Variants in SYCP2L observed in about 807,000 individuals in gnomAD.
The protein encoded by SYCP2L is synaptonemal complex protein 2-like.
A neutral mutation model predicts 125.8 loss-of-function variants in SYCP2L; 98 were observed. That is an observed-to-expected ratio of 0.78 (90% CI 0.66 to 0.92). The LOEUF is 0.92. SYCP2L is among the 40% of genes least tolerant of loss of function. The pLI is 0.00. For missense variants in SYCP2L, 842 were observed against 936.4 expected, an observed-to-expected ratio of 0.90 and a Z score of 1.32; for synonymous variants, 317 against 325.4, an observed-to-expected ratio of 0.97 and a Z score of 0.28.
chr6:10,949,813 TA>T (rs1035986722), intron 23 of SYCP2L, among the ~76,000 whole-genome samples: 5 of 151,392 alleles, frequency 3.3e-5, no homozygotes, highest in African/African-American at 9.7e-5. Context: ...ATATCTGGAT[TA>T]AAAAAAATCT....
At chr6:10,921,819 C>T (rs1047067695) in intron 14 of SYCP2L, among the ~76,000 whole-genome samples, 1 of 151,952 alleles carries the variant, frequency 6.6e-6, no homozygotes, top group Non-Finnish European at 1.5e-5. Context: ...CATTCTTCTG[C>T]CTCAGCCTCC....
chr6:10,944,094 G>T (rs1781269840), intron 23 of SYCP2L, among the ~76,000 whole-genome samples: 1 of 152,126 alleles, frequency 6.6e-6, no homozygotes, highest in African/African-American at 2.4e-5. Flanking sequence ...TATAAAATAT[G>T]TATACCTTTA....
rs28430570 is a variant in SYCP2L, at chr6:10,906,787, G to A, written c.676+733G>A. ...TAATTTTTGTATTTTTAGTAGAGAC[G>A]GGGATTTCACCATGTTGGCCAGGCT... On this transcript the variant is annotated intron_variant, in intron 9 of 29. Transcript: ENST00000283141. 5.5e-3 allele frequency among the ~76,000 whole-genome samples: 832 copies of A among 151,136 alleles called. 5 individuals carry two copies. The highest frequency in any genetic ancestry group is 0.018 in the African/African-American group (763 of 41,256).
chr6:10,933,008 C>G (rs1265996094), intron 20 of SYCP2L, among the ~76,000 whole-genome samples: 2 of 152,228 alleles, frequency 1.3e-5, no homozygotes, highest in East Asian at 3.8e-4. Flanking sequence ...CCTGCCTTGG[C>G]CTCCCAAAGT....
chr6:10,965,291 TA>T (rs1781660171), intron 29 of SYCP2L, among the ~76,000 whole-genome samples: 1 of 152,134 alleles, frequency 6.6e-6, no homozygotes, highest in Non-Finnish European at 1.5e-5. Context: ...CTGGAGTTAA[TA>T]AATTGCTGAT....
chr6:10,928,623 C>A lies in SYCP2L; in HGVS notation c.1488+173C>A, dbSNP rs191220884. On this transcript the variant is annotated intron_variant, in intron 18 of 29. Transcript: ENST00000283141. ...CTGTCATCATAGCTCACCGTGGCCT[C>A]AGCCTCCCAGGCTCATGTGATCCTC... is the stretch of plus-strand genomic sequence containing the variant. Among the ~76,000 whole-genome samples, 464 of 152,348 alleles carry A rather than the reference C, an allele frequency of 3.0e-3. 1 individual carries two copies. The highest frequency in any genetic ancestry group is 4.9e-3 in the Non-Finnish European group (336 of 68,038).
intron 17 of SYCP2L, among the ~76,000 whole-genome samples, chr6:10,927,707 C>T (rs1429899988): frequency 1.3e-5 from 2 of 152,142 alleles, no homozygotes; most frequent in Non-Finnish European, 2.9e-5. Context: ...TCAATAACAT[C>T]GTATCAGGAG....
intron 10 of SYCP2L, among the ~76,000 whole-genome samples, chr6:10,909,116 A>ATTTTTTTTTTT (rs67767345): frequency 7.4e-5 from 7 of 94,870 alleles, no homozygotes; most frequent in African/African-American, 2.4e-4. Context: ...TCTCAATTGA[A>ATTTTTTTTTTT]TTTTTTTTTT....
chr6:10,899,635 T>G (rs1780344920), intron 6 of SYCP2L, among the ~76,000 whole-genome samples: 1 of 152,274 alleles, frequency 6.6e-6, no homozygotes, highest in Admixed American at 6.5e-5. Context: ...GGAGCCATCT[T>G]GATATGTCAT....
In SYCP2L at chr6:10,931,484, G is replaced by C; in HGVS notation, c.1678G>C (p.Asp560His). Residue 560 changes from aspartate to histidine, a missense_variant, in exon 20 of 30, where the codon GAC (aspartate) becomes CAC (histidine). Physicochemically the swap from Asp to His is moderately conservative, Grantham distance 81. Coordinates refer to ENST00000283141, the MANE Select transcript of SYCP2L (RefSeq NM_001040274.3). Reference protein sequence around the residue: ...PPSSGSGHEKDQAKLLSPSEK... With the variant: ...PPSSGSGHEKHQAKLLSPSEK... The stretch of plus-strand genomic sequence containing the variant: ...CAGTAGTGGCAGTGGCCATGAGAAA[G>C]ACCAAGTAAGTACATTGTATCTGGG... 6.2e-7 allele frequency: 1 copy of C among 1,614,094 alleles called. No individual in the cohort carries two copies. Among genetic ancestry groups the C allele is most frequent in the Non-Finnish European group, 8.5e-7 (1 of 1,179,954 alleles).
intron 2 of SYCP2L, among the ~76,000 whole-genome samples, chr6:10,892,242 C>T (rs1054938640): frequency 2.6e-5 from 4 of 152,208 alleles, no homozygotes; most frequent in African/African-American, 4.8e-5. Context: ...GATCATGCCA[C>T]GTTCTGCGGA....
At chr6:10,967,454 G>GGGGTTTGTGTGTGT (rs56098075) in intron 29 of SYCP2L, among the ~76,000 whole-genome samples, 1 of 138,838 alleles carries the variant, frequency 7.2e-6, no homozygotes, top group Non-Finnish European at 1.6e-5. Context: ...TGGGGTAGAG[G>GGGGTTTGTGTGTGT]GTGTGTGTGT....
chr6:10,956,868 C>A (rs1781509919), intron 25 of SYCP2L, among the ~76,000 whole-genome samples: 2 of 152,034 alleles, frequency 1.3e-5, no homozygotes, highest in Admixed American at 1.3e-4. Context: ...GTTCTGTTGC[C>A]AAGGCTGGAG....
At chr6:10,902,406 G>T (rs1049416618) in intron 6 of SYCP2L, among the ~76,000 whole-genome samples, 60 of 152,130 alleles carry the variant, frequency 3.9e-4, no homozygotes, top group Admixed American at 3.6e-3. Context: ...AAGTATCAGA[G>T]AATTAATTTT....
intron 26 of SYCP2L, 82 bp downstream of exon 26, chr6:10,958,957 C>A: frequency 8.1e-7 from 1 of 1,238,858 alleles, no homozygotes. Context: ...TGTGCTAGGG[C>A]CCTGAGGAGT....
chr6:10,951,290 G>A (rs1781404888), intron 23 of SYCP2L, among the ~76,000 whole-genome samples: 1 of 152,068 alleles, frequency 6.6e-6, no homozygotes, highest in African/African-American at 2.4e-5. Flanking sequence ...GCCAGGCATG[G>A]TGGCGTGTCC....
Position 10,955,217 on chromosome 6 carries a change from G to A in SYCP2L, c.2056G>A (p.Glu686Lys), listed in dbSNP as rs750153724. 3.8e-6 allele frequency: 6 copies of A among 1,594,730 alleles called. No individual in the cohort carries two copies. The highest frequency in any genetic ancestry group is 5.2e-6 in the Non-Finnish European group (6 of 1,162,350). ...FSITEERELP[E>K]GISTSSLEVV... ...AATAACAGAAGAAAGAGAGTTGCCA[G>A]GTAACATCATGCACCCAGCCAATGG... The change falls in exon 24 of 30, where the codon GAA becomes AAA. Residue 686 changes from glutamate (E) to lysine (K), a missense_variant and splice_region_variant. Coordinates refer to ENST00000283141, the MANE Select transcript of SYCP2L (RefSeq NM_001040274.3).
chr6:10,970,827 T>C (rs540451265), intron 29 of SYCP2L, among the ~76,000 whole-genome samples: 8 of 152,052 alleles, frequency 5.3e-5, no homozygotes, highest in Non-Finnish European at 8.8e-5. Flanking sequence ...ACCTAGGGAC[T>C]CAGTATAGAG....
chr6:10,887,116 G>T lies in SYCP2L; in HGVS notation c.-11G>T, dbSNP rs776480914. On this transcript the variant is annotated 5_prime_UTR_variant, in exon 1 of 30. Coordinates refer to ENST00000283141, the MANE Select transcript of SYCP2L (RefSeq NM_001040274.3). ...AGCGGCGCGTCGCTTCAGGAACGAA[G>T]AAGCCTCGTTATGCAAGCGGTGAGT... 1 of 1,614,146 alleles carries T rather than the reference G, an allele frequency of 6.2e-7. No individual in the cohort carries two copies. Among genetic ancestry groups the T allele is most frequent in the East Asian group, 2.2e-5 (1 of 44,878 alleles).
Sources: allele counts gnomAD v4.1 joint callset (sites outside exome capture counted in the v4.1 genomes callset), GRCh38; gene constraint gnomAD v4.1.1; transcripts MANE v1.5; gene names NCBI Gene and HGNC (gene_info 2026-07-23, HGNC 2026-07-21).